SQSTM1: variants seen among roughly 807,000 people sequenced by gnomAD.
SQSTM1 encodes sequestosome-1.
Under a neutral mutation model 45.1 loss-of-function variants are expected in SQSTM1, and 36 were observed. That is an observed-to-expected ratio of 0.80 (90% confidence interval 0.61 to 1.05). The LOEUF is 1.05. Ranked by LOEUF, SQSTM1 falls within the 50% of genes least tolerant of loss-of-function variation. The pLI is 0.00. For synonymous variants in SQSTM1, 290 were observed against 244.3 expected, an observed-to-expected ratio of 1.19 and a Z score of -1.74; for missense variants, 617 against 607.1, an observed-to-expected ratio of 1.02 and a Z score of -0.17.
At chr5:179,833,401 T>A in intron 6 of SQSTM1, 155 bp downstream of exon 6, 2 of 1,003,484 alleles carry the variant, frequency 2.0e-6, no homozygotes, top group Non-Finnish European at 1.5e-6. Context: ...AAAGTCACGC[T>A]GGGAACCTGC....
chr5:179,809,477 C>T lies in SQSTM1; in HGVS notation c.-156-2097C>T, dbSNP rs536532963. The stretch of plus-strand genomic sequence containing the variant: ...TCATCCTCCTGAGTAGCTGGGATTA[C>T]AGGTGCACGGCACCAAGCCCGGCTA... On this transcript the variant is annotated intron_variant, in intron 1 of 5. Transcript: ENST00000514093. Among the ~76,000 whole-genome samples, 726 of 151,532 alleles carry T rather than the reference C, an allele frequency of 4.8e-3. 8 individuals carry two copies. The highest frequency in any genetic ancestry group is 7.6e-3 in the Non-Finnish European group (516 of 67,900).
At chr5:179,819,771 G>A (rs534902937), upstream of SQSTM1, among the ~76,000 whole-genome samples, 1 of 152,324 alleles carries the variant, frequency 6.6e-6, no homozygotes, top group South Asian at 2.1e-4. Flanking sequence ...CAGGGTGGAA[G>A]CCTTGCCCAC....
chr5:179,833,687 A>T lies in SQSTM1; in HGVS notation c.1070A>T (p.Gln357Leu), dbSNP rs1415449512. ...TCTACAGGTGAACTCCAGTCCCTACAGATGCCAGAATCCGAAGGGCCAAGC... is the reference window on the plus strand; with the variant it reads ...TCTACAGGTGAACTCCAGTCCCTACTGATGCCAGAATCCGAAGGGCCAAGC... ...DPSTGELQSL[Q>L]MPESEGPSSL... The change falls in exon 7 of 8, where the codon CAG becomes CTG. Residue 357 changes from glutamine to leucine, a missense_variant. Physicochemically the swap from Gln to Leu is moderately radical, Grantham distance 113. Coordinates refer to ENST00000389805, the MANE Select transcript of SQSTM1 (RefSeq NM_003900.5). The T allele has an allele frequency of 1.2e-6, 2 of 1,614,194 alleles. No homozygotes were observed. The highest frequency in any genetic ancestry group is 1.7e-6 in the Non-Finnish European group (2 of 1,180,028).
chr5:179,822,005 A>G (rs1444965926), intron 1 of SQSTM1, among the ~76,000 whole-genome samples: 3 of 152,224 alleles, frequency 2.0e-5, no homozygotes, highest in African/African-American at 7.2e-5. Context: ...TCACCCATTT[A>G]GTGTACAAGT....
upstream of SQSTM1, among the ~76,000 whole-genome samples, chr5:179,817,523 C>A (rs1038532585): frequency 4.6e-5 from 7 of 152,262 alleles, no homozygotes; most frequent in African/African-American, 1.4e-4. Flanking sequence ...GCAGCTCTGG[C>A]CTTCCAGTAG....
intron 5 of SQSTM1, among the ~76,000 whole-genome samples, chr5:179,829,491 GAATGTT>G (rs1414255485): frequency 2.0e-5 from 3 of 152,178 alleles, no homozygotes; most frequent in Non-Finnish European, 2.9e-5. Context: ...AAAGGGAAGA[GAATGTT>G]AATGTCCTCA....
At chr5:179,816,072 AC>A (rs1757568331), upstream of SQSTM1, among the ~76,000 whole-genome samples, 1 of 152,116 alleles carries the variant, frequency 6.6e-6, no homozygotes, top group South Asian at 2.1e-4. Flanking sequence ...TGCGGTAAGT[AC>A]CCGTCCTGGG....
chr5:179,808,786 C>T (rs562822094), intron 1 of SQSTM1, among the ~76,000 whole-genome samples: 1 of 152,020 alleles, frequency 6.6e-6, no homozygotes, highest in Non-Finnish European at 1.5e-5. Context: ...CACCTCATCT[C>T]ATTAAAAATT....
At chr5:179,813,484 G>C (rs1025308058) in intron 2 of SQSTM1, 8 of 152,326 alleles carry the variant, frequency 5.3e-5, no homozygotes, top group African/African-American at 1.9e-4. Context: ...AAAACAAGAA[G>C]AGGAGTGGAG....
At chr5:179,822,433 T>C (rs475716) in intron 1 of SQSTM1, 125,150 of 219,904 alleles carry the variant, frequency 0.57, 36,743 homozygotes, top group East Asian at 0.8. Context: ...TTTCAGCTCA[T>C]ATGTATCTGT....
In SQSTM1 at chr5:179,837,500, C is replaced by T. The variant is rs1182928329; in HGVS notation, c.*907C>T. ...GGGCCCACCCTCTGCCCAGGGAGTC[C>T]TTGCGTCCCATGAGGTCTTCCCGCA... On this transcript the variant is annotated 3_prime_UTR_variant, in exon 8 of 8. Coordinates refer to ENST00000389805, the MANE Select transcript of SQSTM1 (RefSeq NM_003900.5). 1 of 1,614,178 alleles carries T rather than the reference C, an allele frequency of 6.2e-7. No homozygotes were observed. Among genetic ancestry groups the T allele is most frequent in the Admixed American group, 1.7e-5 (1 of 60,028 alleles).
chr5:179,823,111 C>A, intron 2 of SQSTM1, 58 bp downstream of exon 2: 1 of 1,512,012 alleles, frequency 6.6e-7, no homozygotes, highest in Non-Finnish European at 9.2e-7. Context: ...CAGTTCCCTG[C>A]TGAGTAAAAA....
At position 179,836,817 on chromosome 5, in the gene SQSTM1, G is replaced by A. The variant is rs1049449325; in HGVS notation, c.*224G>A. The A allele has an allele frequency of 5.6e-6, 4 of 718,200 alleles. No homozygotes were observed. The highest frequency in any genetic ancestry group is 1.8e-5 in the African/African-American group (1 of 56,900). The allele number at this position is 718,200 out of a possible 1,614,324, so 44.5% of individuals were successfully genotyped here. On this transcript the variant is annotated 3_prime_UTR_variant, in exon 8 of 8. Transcript: ENST00000389805. ...CTGGGTGCCCTGGCTCCTTGCAGCA[G>A]GGCTGGGCCTGCGAGACCCAAGGCT... is the stretch of plus-strand genomic sequence containing the variant.
upstream of SQSTM1, chr5:179,818,730 A>T (rs542951652): frequency 5.2e-5 from 8 of 152,670 alleles, no homozygotes; most frequent in East Asian, 1.5e-3. Context: ...CCCACGGGGC[A>T]TCGCCTGGGA....
In SQSTM1 at chr5:179,837,883, T is replaced by TC. The variant is rs1561612685; in HGVS notation, c.*1293dup. On this transcript the variant is annotated 3_prime_UTR_variant, in exon 8 of 8. Coordinates refer to ENST00000389805, the MANE Select transcript of SQSTM1 (RefSeq NM_003900.5). Reference sequence around the variant, plus strand: ...TCACCTTCCATGTCAGGCCAGCCTGTCCCTGAAAGAGAAGATGGCCATGCC... The same window carrying TC: ...TCACCTTCCATGTCAGGCCAGCCTGTCCCCTGAAAGAGAAGATGGCCATGCC... 6.2e-7 allele frequency: 1 copy of TC among 1,602,632 alleles called. No homozygotes were observed. Among genetic ancestry groups the TC allele is most frequent in the Non-Finnish European group, 8.5e-7 (1 of 1,178,286 alleles).
chr5:179,829,501 G>A (rs1310833454), intron 5 of SQSTM1, among the ~76,000 whole-genome samples: 2 of 152,206 alleles, frequency 1.3e-5, no homozygotes. Context: ...GAATGTTAAT[G>A]TCCTCAGTGA....
upstream of SQSTM1, among the ~76,000 whole-genome samples, chr5:179,818,000 G>GCA (rs1757634897): frequency 9.1e-6 from 1 of 110,396 alleles, no homozygotes. Flanking sequence ...GGGTGACAGA[G>GCA]AGAGACTGTC....
intron 5 of SQSTM1, among the ~76,000 whole-genome samples, 199 bp from the exon 6 acceptor site, chr5:179,832,833 T>C (rs1285131194): frequency 6.6e-6 from 1 of 152,100 alleles, no homozygotes; most frequent in Non-Finnish European, 1.5e-5. Context: ...CCATACTGGC[T>C]GTGTGATTGC....
At chr5:179,835,348 A>C in intron 7 of SQSTM1, 1 of 174,918 alleles carries the variant, frequency 5.7e-6, no homozygotes, top group Non-Finnish European at 1.2e-5. Flanking sequence ...TGGGAGGTGG[A>C]GGTTGTAGCG....
Sources: gnomAD v4.1 joint callset for allele counts (sites outside exome capture counted in the v4.1 genomes callset) on GRCh38, gnomAD v4.1.1 for gene constraint, MANE v1.5 for transcripts, NCBI Gene and HGNC (gene_info 2026-07-23, HGNC 2026-07-21) for gene names.